Variants in LUC7L3 observed in about 807,000 individuals in gnomAD.
LUC7L3 encodes LUC7 like 3 pre-mRNA splicing factor, also known as luc7-like protein 3.
A neutral mutation model predicts 66.8 loss-of-function variants in LUC7L3; 6 were observed. The ratio of observed to expected loss-of-function variants is 0.09; its 90% CI spans 0.05 to 0.18. The LOEUF is 0.18. Ranked by LOEUF, LUC7L3 falls within the 10% of genes least tolerant of loss-of-function variation. The pLI is 1.00. For missense variants in LUC7L3, 341 were observed against 531.1 expected (o/e 0.64, Z 3.52); for synonymous variants, 160 against 174.7 (o/e 0.92, Z 0.66).
At chr17:50,745,329 A>C (rs1429271297) in intron 7 of LUC7L3, among the ~76,000 whole-genome samples, 2 of 152,192 alleles carry the variant, frequency 1.3e-5, no homozygotes, top group Admixed American at 1.3e-4. Context: ...AATCTATTTT[A>C]GCTATAGCTA....
In LUC7L3 at chr17:50,732,447, TCAC is replaced by T. The variant is rs1235587265; in HGVS notation, c.100-4509_100-4507del. Among the ~76,000 whole-genome samples, 7 of 152,258 alleles carry T rather than the reference TCAC, an allele frequency of 4.6e-5. No individual in the cohort carries two copies. The East Asian group carries it at 1.3e-3, about 29-fold the overall frequency. Reference sequence around the variant, plus strand: ...CCCAGGCTGAAGTGCAGTGGCATGATCACCACTCACTGCAGCCTCAACCTCCTG... The same window carrying T: ...CCCAGGCTGAAGTGCAGTGGCATGATCACTCACTGCAGCCTCAACCTCCTG... On this transcript the variant is annotated intron_variant, in intron 1 of 9. Coordinates refer to ENST00000505658, the MANE Select transcript of LUC7L3 (RefSeq NM_016424.5).
At chr17:50,734,083 ATTAGCT>A (rs1279730801) in intron 1 of LUC7L3, among the ~76,000 whole-genome samples, 1 of 152,242 alleles carries the variant, frequency 6.6e-6, no homozygotes, top group Non-Finnish European at 1.5e-5. Flanking sequence ...TTTTAAAAAC[ATTAGCT>A]TTAGATAGCA....
At chr17:50,726,131 A>G (rs1349980716) in intron 1 of LUC7L3, among the ~76,000 whole-genome samples, 1 of 150,490 alleles carries the variant, frequency 6.6e-6, no homozygotes, top group Non-Finnish European at 1.5e-5. Flanking sequence ...GTGTATTTTC[A>G]TCATTGTTTA....
chr17:50,734,359 G>T (rs1277971705), intron 1 of LUC7L3, among the ~76,000 whole-genome samples: 1 of 152,092 alleles, frequency 6.6e-6, no homozygotes, highest in African/African-American at 2.4e-5. Flanking sequence ...TAGAGACGGG[G>T]TTTCTCCATG....
In LUC7L3 at chr17:50,750,609, T is replaced by G. The variant is rs1970935341; in HGVS notation, c.1247T>G (p.Val416Gly). ...ESKESDTKNE[V>G]NGTSEDIKSE... Reference sequence around the variant, plus strand: ...AAGGAAAGTGATACTAAGAATGAGGTCAATGGGACCAGTGAAGACATTAAA... The same window carrying G: ...AAGGAAAGTGATACTAAGAATGAGGGCAATGGGACCAGTGAAGACATTAAA... The change falls in exon 10 of 10, where the codon GTC becomes GGC. Residue 416 changes from valine (V) to glycine (G), a missense_variant. By Grantham distance (109) the Val-to-Gly change is moderately radical (BLOSUM62 -3). Coordinates refer to ENST00000505658, the MANE Select transcript of LUC7L3 (RefSeq NM_016424.5). The G allele has an allele frequency of 1.2e-6, 2 of 1,613,820 alleles. No homozygotes were observed. Among genetic ancestry groups the G allele is most frequent in the Non-Finnish European group, 1.7e-6 (2 of 1,179,956 alleles).
chr17:50,730,592 A>G (rs1268625267), intron 1 of LUC7L3, among the ~76,000 whole-genome samples: 1 of 150,622 alleles, frequency 6.6e-6, no homozygotes, highest in Non-Finnish European at 1.5e-5. Flanking sequence ...TCAAAGGAGA[A>G]TTGTATTGCT....
Position 50,753,465 on chromosome 17 carries a change from A to T in LUC7L3, c.*2804A>T, listed in dbSNP as rs1343506371. 6.6e-6 allele frequency: 1 copy of T among 152,384 alleles called. No individual in the cohort carries two copies. Among genetic ancestry groups the T allele is most frequent in the African/African-American group, 2.4e-5 (1 of 41,422 alleles). The allele number at this position is 152,384 out of a possible 1,614,324, so 9.4% of individuals were successfully genotyped here. ...CTAAAATCTCTTCCACCAAACTTTGAAAAATAATGAAGCCGCCCCCACTTT... is the reference window on the plus strand; with the variant it reads ...CTAAAATCTCTTCCACCAAACTTTGTAAAATAATGAAGCCGCCCCCACTTT... On this transcript the variant is annotated 3_prime_UTR_variant, in exon 10 of 10. Coordinates refer to ENST00000505658, the MANE Select transcript of LUC7L3 (RefSeq NM_016424.5).
intron 1 of LUC7L3, among the ~76,000 whole-genome samples, chr17:50,721,501 G>A (rs1169088576): frequency 2.0e-5 from 3 of 152,156 alleles, no homozygotes; most frequent in Non-Finnish European, 4.4e-5. Context: ...TTAACTTTCA[G>A]TGTTTATTAC....
intron 1 of LUC7L3, among the ~76,000 whole-genome samples, chr17:50,728,363 C>G (rs1281908268): frequency 1.3e-5 from 2 of 151,930 alleles, no homozygotes; most frequent in African/African-American, 4.8e-5. Flanking sequence ...AAACATAAAG[C>G]TATATGTTAT....
chr17:50,742,363 CGTT>C (rs1408271733), intron 5 of LUC7L3, among the ~76,000 whole-genome samples: 1 of 151,908 alleles, frequency 6.6e-6, no homozygotes, highest in Non-Finnish European at 1.5e-5. Context: ...GTTTTGTTGT[CGTT>C]GTTACTGTTT....
chr17:50,749,364 C>T (rs1970866804), intron 9 of LUC7L3: 1 of 1,282,944 alleles, frequency 7.8e-7, no homozygotes, highest in African/African-American at 1.5e-5. Flanking sequence ...AGCCCACTGT[C>T]CTGGCACAGT....
intron 5 of LUC7L3, 123 bp from the exon 6 acceptor site, chr17:50,743,583 A>G: frequency 1.6e-6 from 1 of 630,596 alleles, no homozygotes; most frequent in Non-Finnish European, 2.8e-6. Context: ...AAACCCAAAG[A>G]GGCTTTTGTA....
At chr17:50,744,538 A>G in intron 6 of LUC7L3, 114 bp from the exon 7 acceptor site, 1 of 958,442 alleles carries the variant, frequency 1.0e-6, no homozygotes, top group East Asian at 2.7e-5. Flanking sequence ...TGATTTGGGG[A>G]AATGGAAAAG....
chr17:50,733,704 T>G (rs552808667), intron 1 of LUC7L3, among the ~76,000 whole-genome samples: 1 of 152,282 alleles, frequency 6.6e-6, no homozygotes, highest in African/African-American at 2.4e-5. Context: ...ACAGTAATAG[T>G]AAGACTTTTC....
intron 1 of LUC7L3, chr17:50,721,981 T>C (rs1030762670): frequency 6.6e-6 from 1 of 151,910 alleles, no homozygotes; most frequent in African/African-American, 2.4e-5. Context: ...ACAGTTGCCG[T>C]GGCATCTGTA....
In LUC7L3 at chr17:50,754,343, T is replaced by TAA. The variant is rs1567884632; in HGVS notation, c.*3683_*3684insAA. The TAA allele has an allele frequency of 1.4e-4, 21 of 152,242 alleles. No homozygotes were observed. Among genetic ancestry groups the TAA allele is most frequent in the Admixed American group, 2.6e-4 (4 of 15,276 alleles). 9.4% of individuals were successfully genotyped at this position (152,242 alleles called of 1,614,324 possible). A position where few individuals can be genotyped will look rare whatever the true frequency, so the allele number is the denominator to read the frequency against. ...CCAACAAGACTCATGACCACTTTTA[T>TAA]ACTTCATGAGTGATTGTATTTGTAT... On this transcript the variant is annotated 3_prime_UTR_variant, in exon 10 of 10. Transcript: ENST00000505658.
chr17:50,745,507 T>G (rs1036718726), intron 7 of LUC7L3, among the ~76,000 whole-genome samples: 1 of 152,232 alleles, frequency 6.6e-6, no homozygotes, highest in Non-Finnish European at 1.5e-5. Flanking sequence ...CTTGATTTTC[T>G]TAACTCTTGA....
At position 50,754,981 on chromosome 17, in the gene LUC7L3, G is replaced by A. The variant is rs929310279; in HGVS notation, c.*4320G>A. 2.6e-5 allele frequency: 4 copies of A among 152,058 alleles called. No homozygotes were observed. Among genetic ancestry groups the A allele is most frequent in the African/African-American group, 7.3e-5 (3 of 41,378 alleles). The allele number at this position is 152,058 out of a possible 1,614,324, so 9.4% of individuals were successfully genotyped here. On this transcript the variant is annotated 3_prime_UTR_variant, in exon 10 of 10. Transcript: ENST00000505658. ...TGTTTTTAAAAATGCATTGCAGATG[G>A]GCTATGTGAATATGTTTTTAAACAT... is the stretch of plus-strand genomic sequence containing the variant.
chr17:50,745,461 C>G (rs1252559035), intron 7 of LUC7L3, among the ~76,000 whole-genome samples: 2 of 152,110 alleles, frequency 1.3e-5, no homozygotes, highest in Admixed American at 1.3e-4. Context: ...ATTGTGAGTT[C>G]TGTGAAATTT....
Sources: gnomAD v4.1 joint callset for allele counts (sites outside exome capture counted in the v4.1 genomes callset) on GRCh38, gnomAD v4.1.1 for gene constraint, MANE v1.5 for transcripts, NCBI Gene and HGNC (gene_info 2026-07-23, HGNC 2026-07-21) for gene names.